DRC4: variants seen among roughly 807,000 people sequenced by gnomAD.
DRC4 encodes GAS-11.
At chr16:90,039,894 C>A in the DRC4 span, 1 of 284,464 alleles carries the variant, frequency 3.5e-6, no homozygotes, top group Non-Finnish European at 7.0e-6. Flanking sequence ...AGCATATCCT[C>A]CAAGGGGCCC....
chr16:90,019,988 G>A, the DRC4 span: 4 of 698,760 alleles, frequency 5.7e-6, no homozygotes, highest in African/African-American at 5.3e-5. This position sits in a 1 kb window ranked among gnomAD's most constrained non-coding sequence, Gnocchi z 6.1. Context: ...GGCCCGGGCT[G>A]CAGAGAGCGC....
At chr16:90,039,004 A>G in the DRC4 span, among the ~76,000 whole-genome samples, 2 of 152,352 alleles carry the variant, frequency 1.3e-5, no homozygotes, top group African/African-American at 4.8e-5. Context: ...TTCGCTTCTC[A>G]GAAATATCCC....
the DRC4 span, among the ~76,000 whole-genome samples, chr16:90,035,459 A>G: frequency 6.6e-6 from 1 of 152,216 alleles, no homozygotes; most frequent in Admixed American, 6.5e-5. Flanking sequence ...AAGCGGGTTC[A>G]GTGCTCACGA....
the DRC4 span, chr16:90,020,293 G>A: frequency 2.5e-6 from 1 of 396,544 alleles, no homozygotes; most frequent in Non-Finnish European, 4.4e-6. Flanking sequence ...CGTGAGCTAT[G>A]ATTGTATGTC....
the DRC4 span, chr16:90,043,538 C>T: frequency 1.6e-6 from 1 of 623,210 alleles, no homozygotes; most frequent in Admixed American, 2.7e-5. Context: ...CATGGTGTCC[C>T]TGTCGCTCCC....
chr16:90,042,162 C>T, the DRC4 span, among the ~76,000 whole-genome samples: 1 of 152,188 alleles, frequency 6.6e-6, no homozygotes, highest in Non-Finnish European at 1.5e-5. Context: ...TCTCAAACTC[C>T]TGACCTCAAG....
chr16:90,041,770 G>C, the DRC4 span, among the ~76,000 whole-genome samples: 4 of 152,046 alleles, frequency 2.6e-5, no homozygotes, highest in Non-Finnish European at 5.9e-5. Context: ...CTGCACTCCA[G>C]CCTGGGCAAC....
chr16:90,036,167 G>C, the DRC4 span: 1 of 590,148 alleles, frequency 1.7e-6, no homozygotes, highest in East Asian at 2.9e-5. Context: ...CCTGTCACTG[G>C]CAAAGGCAGG....
the DRC4 span, chr16:90,027,534 G>A: frequency 8.8e-7 from 1 of 1,142,088 alleles, no homozygotes; most frequent in Non-Finnish European, 1.3e-6. Context: ...AAGGGAGAGA[G>A]GTTCCAGAAC....
the DRC4 span, chr16:90,020,305 C>CAA: frequency 1.4e-3 from 446 of 315,330 alleles, no homozygotes; most frequent in African/African-American, 5.9e-3. Flanking sequence ...TTGTATGTCT[C>CAA]AAAAAAAAAA....
chr16:90,020,122 G>C, the DRC4 span: 5 of 599,130 alleles, frequency 8.3e-6, no homozygotes, highest in Middle Eastern at 1.3e-3. Context: ...GGGTCATTTT[G>C]AAGCAAATTA....
chr16:90,022,019 G>T, the DRC4 span: 1 of 151,868 alleles, frequency 6.6e-6, no homozygotes, highest in African/African-American at 2.4e-5. Context: ...GTTAGAAAAG[G>T]AAAGTGGCAG....
the DRC4 span, chr16:90,029,735 CAGTA>C: frequency 5.1e-6 from 1 of 196,496 alleles, no homozygotes; most frequent in African/African-American, 2.4e-5. Flanking sequence ...AAAAGGCTCA[CAGTA>C]AGTGGCCTGG....
At chr16:90,042,810 G>GGA in the DRC4 span, 1 of 523,714 alleles carries the variant, frequency 1.9e-6, no homozygotes, top group Non-Finnish European at 3.5e-6. Flanking sequence ...CCCTGGGCAG[G>GGA]GAGTCAGAAG....
At chr16:90,021,380 A>G in the DRC4 span, among the ~76,000 whole-genome samples, 1 of 151,664 alleles carries the variant, frequency 6.6e-6, no homozygotes, top group Non-Finnish European at 1.5e-5. Flanking sequence ...CTTCATCCCC[A>G]GACACATGGG....
At chr16:90,034,288 G>A in the DRC4 span, among the ~76,000 whole-genome samples, 1 of 152,170 alleles carries the variant, frequency 6.6e-6, no homozygotes, top group Non-Finnish European at 1.5e-5. Context: ...CCAGGTCCTG[G>A]ATATGATATT....
chr16:90,028,002 A>G, the DRC4 span: 8 of 422,780 alleles, frequency 1.9e-5, no homozygotes, highest in Non-Finnish European at 3.4e-5. Context: ...AATTTCGTGT[A>G]TTCTCTTTCA....
chr16:90,019,801 G>C, the DRC4 span: 1 of 688,546 alleles, frequency 1.5e-6, no homozygotes, highest in East Asian at 2.7e-5. The surrounding 1 kb of genome is among the most constrained non-coding windows in gnomAD (Gnocchi z 6.1). Context: ...CTGTGTGCGG[G>C]CGCCCCTCGG....
the DRC4 span, chr16:90,032,938 G>A: frequency 6.2e-7 from 1 of 1,608,770 alleles, no homozygotes; most frequent in Non-Finnish European, 8.5e-7. Flanking sequence ...GGTGTGGCGG[G>A]GGCACCTGGA....
Sources: allele counts gnomAD v4.1 joint callset (sites outside exome capture counted in the v4.1 genomes callset), GRCh38; gene constraint gnomAD v4.1.1; non-coding constraint Gnocchi (gnomAD v3.1); transcripts MANE v1.5; gene names NCBI Gene and HGNC (gene_info 2026-07-23, HGNC 2026-07-21).